The following CSMD3 variants were observed in gnomAD, a reference collection of about 807,000 sequenced individuals.
CSMD3 encodes the protein CUB and Sushi multiple domains 3.
Under a neutral mutation model 435.2 loss-of-function variants are expected in CSMD3, and 177 were observed. The ratio of observed to expected loss-of-function variants is 0.41; its 90% CI spans 0.36 to 0.46. CSMD3 has a LOEUF of 0.46. Among genes scored for constraint, CSMD3 ranks in the 20% least tolerant of loss-of-function variants. The pLI, the probability that CSMD3 is intolerant of heterozygous loss-of-function variation, is 0.34. For missense variants in CSMD3, 4,265 were observed against 4,504.6 expected, an observed-to-expected ratio of 0.95 and a Z score of 1.52; for synonymous variants, 1,656 against 1,520.5, an observed-to-expected ratio of 1.09 and a Z score of -2.07.
At chr8:112,414,350 T>C (rs2123492) in intron 32 of CSMD3, among the ~76,000 whole-genome samples, 67,948 of 151,952 alleles carry the variant, frequency 0.45, 15,810 homozygotes, top group Middle Eastern at 0.6. Context: ...TCATGAAATA[T>C]GATGGCTTTA....
chr8:112,667,885 C>T (rs960650007), intron 16 of CSMD3, among the ~76,000 whole-genome samples: 3 of 152,022 alleles, frequency 2.0e-5, no homozygotes, highest in African/African-American at 7.2e-5. Context: ...TTTTTCCTAG[C>T]TTATTTCTTT....
At chr8:112,598,193 C>A in intron 22 of CSMD3, among the ~76,000 whole-genome samples, 1 of 131,342 alleles carries the variant, frequency 7.6e-6, no homozygotes. Context: ...AAACAATGTA[C>A]AAAAATCACA....
chr8:113,373,561 T>A (rs1027157574), intron 1 of CSMD3, among the ~76,000 whole-genome samples: 1 of 152,032 alleles, frequency 6.6e-6, no homozygotes, highest in Non-Finnish European at 1.5e-5. Flanking sequence ...TACACATATA[T>A]ACATTTACAT....
chr8:112,674,161 G>C (rs1168748143), intron 16 of CSMD3, among the ~76,000 whole-genome samples: 1 of 152,098 alleles, frequency 6.6e-6, no homozygotes, highest in Non-Finnish European at 1.5e-5. Context: ...GCATGCTAAA[G>C]GAATGCCAGC....
intron 35 of CSMD3, among the ~76,000 whole-genome samples, chr8:112,404,628 A>T (rs1831614791): frequency 1.3e-5 from 2 of 152,178 alleles, no homozygotes; most frequent in Admixed American, 6.6e-5. Flanking sequence ...TTCATAATTT[A>T]AAATTATTTT....
intron 10 of CSMD3, among the ~76,000 whole-genome samples, chr8:112,868,217 G>A (rs1435123554): frequency 6.6e-6 from 1 of 152,002 alleles, no homozygotes; most frequent in East Asian, 1.9e-4. Context: ...AATACACATG[G>A]AGCTGTCATT....
At chr8:112,496,694 GA>G (rs2130879820) in intron 30 of CSMD3, among the ~76,000 whole-genome samples, 1 of 152,272 alleles carries the variant, frequency 6.6e-6, no homozygotes, top group South Asian at 2.1e-4. Flanking sequence ...GTCAGGCACA[GA>G]AAGACAAATT....
chr8:112,261,442 G>A (rs1052669725), intron 61 of CSMD3, among the ~76,000 whole-genome samples: 4 of 151,586 alleles, frequency 2.6e-5, no homozygotes, highest in Non-Finnish European at 4.4e-5. Context: ...TTAGGCCCAG[G>A]GTAGCATACT....
chr8:113,391,759 A>C (rs1389702914), intron 1 of CSMD3, among the ~76,000 whole-genome samples: 1 of 151,958 alleles, frequency 6.6e-6, no homozygotes, highest in Non-Finnish European at 1.5e-5. Flanking sequence ...TAAAAGGAGG[A>C]TCTAGAAAGA....
chr8:112,491,256 A>C (rs1020598), intron 31 of CSMD3, among the ~76,000 whole-genome samples: 123,957 of 152,138 alleles, frequency 0.81, 51,070 homozygotes, highest in African/African-American at 0.93. Context: ...TATATCATAG[A>C]CCAATTCAAA....
At chr8:112,983,427 A>G (rs1279008693) in intron 6 of CSMD3, among the ~76,000 whole-genome samples, 1 of 151,524 alleles carries the variant, frequency 6.6e-6, no homozygotes, top group Admixed American at 6.6e-5. Context: ...GGAACCAAGA[A>G]ACTACGCTTA....
intron 45 of CSMD3, among the ~76,000 whole-genome samples, chr8:112,325,279 A>T (rs537832706): frequency 1.3e-5 from 2 of 152,130 alleles, no homozygotes; most frequent in Non-Finnish European, 2.9e-5. Context: ...TAACATAGCT[A>T]AAATTTTATG....
At chr8:113,296,114 A>G (rs998811722) in intron 2 of CSMD3, among the ~76,000 whole-genome samples, 9 of 150,952 alleles carry the variant, frequency 6.0e-5, no homozygotes, top group Non-Finnish European at 1.0e-4. Flanking sequence ...ACATGGACAC[A>G]GGAAGGGGGA....
intron 2 of CSMD3, among the ~76,000 whole-genome samples, chr8:113,300,162 C>CAAAAAAAAAAAA (rs34291122): frequency 2.6e-5 from 3 of 116,602 alleles, no homozygotes; most frequent in Admixed American, 1.9e-4. Flanking sequence ...TCAAAAAAGT[C>CAAAAAAAAAAAA]AAAAAAAAAA....
intron 1 of CSMD3, among the ~76,000 whole-genome samples, chr8:113,421,764 T>C (rs2094609973): frequency 6.6e-6 from 1 of 152,122 alleles, no homozygotes; most frequent in African/African-American, 2.4e-5. Context: ...CTAATAAAAT[T>C]TCTTTCCAAA....
In CSMD3 at chr8:112,859,090, CCTTTGT is replaced by C. The variant is rs1488129161; in HGVS notation, c.1755+49_1755+54del. On this transcript the variant is annotated intron_variant, in intron 11 of 70. Coordinates refer to ENST00000297405, the MANE Select transcript of CSMD3 (RefSeq NM_198123.2). ...CTGCATGTTCCGTATTATTTCTTTG[CCTTTGT>C]CTTTATGATTATGACTTTTTTTTTA... The C allele has an allele frequency of 3.3e-6, 5 of 1,532,434 alleles. No homozygotes were observed. In the South Asian group the frequency reaches 4.5e-5, roughly 14 times the overall value. The allele number at this position is 1,532,434 out of a possible 1,614,324, so 94.9% of individuals were successfully genotyped here.
intron 52 of CSMD3, among the ~76,000 whole-genome samples, chr8:112,303,799 A>G (rs979452117): frequency 6.6e-6 from 1 of 152,172 alleles, no homozygotes. Context: ...TACACATAAG[A>G]TAGTTGTCTG....
At chr8:112,849,108 T>C (rs2080410985) in intron 11 of CSMD3, among the ~76,000 whole-genome samples, 1 of 152,128 alleles carries the variant, frequency 6.6e-6, no homozygotes, top group African/African-American at 2.4e-5. Context: ...CTTCCGACAA[T>C]TAAGACTTCT....
At chr8:112,452,654 A>T (rs1368633677) in intron 32 of CSMD3, among the ~76,000 whole-genome samples, 2 of 152,200 alleles carry the variant, frequency 1.3e-5, no homozygotes, top group East Asian at 3.9e-4. Flanking sequence ...ACTCTATAAC[A>T]GGTTTTCAGA....
Sources: gnomAD v4.1 joint callset for allele counts (sites outside exome capture counted in the v4.1 genomes callset) on GRCh38, gnomAD v4.1.1 for gene constraint, MANE v1.5 for transcripts, NCBI Gene and HGNC (gene_info 2026-07-23, HGNC 2026-07-21) for gene names.